The following RALB variants were observed in gnomAD, a reference collection of about 807,000 sequenced individuals.
The protein encoded by RALB is ras-related protein Ral-B.
RALB carries 16 observed loss-of-function variants against 21.3 expected under a neutral mutation model. That is an observed-to-expected ratio of 0.75 (90% CI 0.51 to 1.14). The LOEUF (loss-of-function observed/expected upper bound fraction) is 1.14, where lower values mean the gene tolerates loss of function less well. RALB is among the 50% of genes most tolerant of loss of function. RALB has a pLI of 0.00. For missense variants in RALB, 161 were observed against 256.2 expected, an observed-to-expected ratio of 0.63 and a Z score of 2.54; for synonymous variants, 93 against 96.1, an observed-to-expected ratio of 0.97 and a Z score of 0.19.
At chr2:120,284,765 T>A (rs1174176016) in intron 2 of RALB, among the ~76,000 whole-genome samples, 1 of 151,902 alleles carries the variant, frequency 6.6e-6, no homozygotes, top group Admixed American at 6.6e-5. Context: ...CCAACCTACG[T>A]ATTAGTAGTC....
At chr2:120,269,508 T>C (rs112647190) in intron 1 of RALB, among the ~76,000 whole-genome samples, 4,632 of 152,274 alleles carry the variant, frequency 0.03, 116 homozygotes, top group East Asian at 0.074. Flanking sequence ...AGAGTGCTGA[T>C]TGGTCCATTT....
At chr2:120,242,506 G>A (rs1424487913) in intron 1 of RALB, among the ~76,000 whole-genome samples, 2 of 152,198 alleles carry the variant, frequency 1.3e-5, no homozygotes, top group African/African-American at 2.4e-5. Context: ...AGGCTGAGGC[G>A]GGTTGATCAC....
intron 1 of RALB, chr2:120,240,187 C>T (rs1688869237): frequency 7.8e-7 from 1 of 1,282,884 alleles, no homozygotes; most frequent in South Asian, 1.2e-5. Context: ...TGTGACTTGC[C>T]TGTTGTTATC....
In RALB at chr2:120,289,714, A is replaced by G; in HGVS notation, c.458A>G (p.Gln153Arg). The G allele has an allele frequency of 6.2e-7, 1 of 1,613,698 alleles. No individual in the cohort carries two copies. The highest frequency in any genetic ancestry group is 8.5e-7 in the Non-Finnish European group (1 of 1,179,834). The change falls in exon 4 of 5, where the codon CAG becomes CGG. Residue 153 changes from glutamine to arginine, a missense_variant. Coordinates refer to ENST00000272519, the MANE Select transcript of RALB (RefSeq NM_002881.3). ...AGTAAAGCCGAAGAGTGGGGCGTGC[A>G]GTACGTGGAGACGTCAGCGAAGACC... is the stretch of plus-strand genomic sequence containing the variant. ...ARSKAEEWGVQYVETSAKTRA... is the reference protein window; with the variant it reads ...ARSKAEEWGVRYVETSAKTRA...
chr2:120,284,170 G>A (rs1690064584), intron 2 of RALB, among the ~76,000 whole-genome samples: 1 of 152,076 alleles, frequency 6.6e-6, no homozygotes, highest in Non-Finnish European at 1.5e-5. Context: ...ATCTCTATTT[G>A]GAGATAATTT....
chr2:120,271,542 G>A, intron 1 of RALB, among the ~76,000 whole-genome samples: 1 of 152,102 alleles, frequency 6.6e-6, no homozygotes, highest in East Asian at 1.9e-4. Flanking sequence ...TCTTAAGATG[G>A]CACTTTAGGC....
rs569624452 is a variant in RALB, at chr2:120,253,783, C to G, written c.-48+803C>G. 3.5e-3 allele frequency: 3,141 copies of G among 906,768 alleles called. 14 individuals are homozygous for G. The highest frequency in any genetic ancestry group is 3.9e-3 in the Non-Finnish European group (2,985 of 758,206). 56.2% of individuals were successfully genotyped at this position (906,768 alleles called of 1,614,324 possible). A position where few individuals can be genotyped will look rare whatever the true frequency, so the allele number is the denominator to read the frequency against. On this transcript the variant is annotated intron_variant, in intron 1 of 4. Transcript: ENST00000272519. Reference sequence around the variant, plus strand: ...TGCCTGGCGGACTGAATGAATTGGCCGTGGAAGAGACTTGGCTGATTGCTC... The same window carrying G: ...TGCCTGGCGGACTGAATGAATTGGCGGTGGAAGAGACTTGGCTGATTGCTC...
intron 4 of RALB, among the ~76,000 whole-genome samples, chr2:120,290,049 G>T (rs1442961666): frequency 6.6e-6 from 1 of 152,130 alleles, no homozygotes; most frequent in Non-Finnish European, 1.5e-5. Context: ...GTGACACCAG[G>T]CTGGAGTGGT....
intron 1 of RALB, among the ~76,000 whole-genome samples, chr2:120,269,391 C>G (rs1330340301): frequency 6.6e-6 from 1 of 152,186 alleles, no homozygotes; most frequent in Non-Finnish European, 1.5e-5. Context: ...AACAAAGCTT[C>G]CACAGCGTGG....
At chr2:120,259,093 C>T (rs1689275960) in intron 1 of RALB, among the ~76,000 whole-genome samples, 1 of 152,150 alleles carries the variant, frequency 6.6e-6, no homozygotes, top group Non-Finnish European at 1.5e-5. Context: ...AGTGAAGCTG[C>T]AGATCTTCGC....
intron 1 of RALB, among the ~76,000 whole-genome samples, chr2:120,272,935 CTG>C (rs1689701207): frequency 6.6e-6 from 1 of 152,208 alleles, no homozygotes; most frequent in Non-Finnish European, 1.5e-5. Context: ...AGGGCAAAGA[CTG>C]TGTTCTGGAA....
At chr2:120,260,279 G>A (rs55979636) in intron 1 of RALB, among the ~76,000 whole-genome samples, 4,135 of 152,360 alleles carry the variant, frequency 0.027, 203 homozygotes, top group African/African-American at 0.095. Flanking sequence ...TAGAGCAAGC[G>A]AGGGCTCTGA....
chr2:120,277,979 GAGC>G (rs1381290020), intron 1 of RALB, among the ~76,000 whole-genome samples: 1 of 150,506 alleles, frequency 6.6e-6, no homozygotes. Context: ...GTGTGAATAA[GAGC>G]ATGTGTGAAT....
Position 120,255,930 on chromosome 2 carries a change from C to CTGTGTGATTTTACTGAG in RALB, c.-48+2951_-48+2952insGTGTGATTTTACTGAGT, listed in dbSNP as rs1553521208. 3.3e-5 allele frequency among the ~76,000 whole-genome samples: 5 copies of CTGTGTGATTTTACTGAG among 152,022 alleles called. No homozygotes were observed. The South Asian group carries it at 1.0e-3, about 32-fold the overall frequency. On this transcript the variant is annotated intron_variant, in intron 1 of 4. Transcript: ENST00000272519. ...TTTTTATATATAGCATTGTTCCAAG[C>CTGTGTGATTTTACTGAG]TATACGGCATGAGATGAAGGAAATA...
chr2:120,290,644 T>TTC (rs397772827), intron 4 of RALB, among the ~76,000 whole-genome samples: 1 of 151,886 alleles, frequency 6.6e-6, no homozygotes, highest in Admixed American at 6.6e-5. Flanking sequence ...TTTTTTTTTT[T>TTC]ATCTCTTATC....
intron 3 of RALB, among the ~76,000 whole-genome samples, chr2:120,289,238 CTTTTTGT>C (rs1690247029): frequency 9.9e-6 from 1 of 101,240 alleles, no homozygotes; most frequent in African/African-American, 3.2e-5. Context: ...CATTTTTCTT[CTTTTTGT>C]TTTTTTTTTT....
At chr2:120,282,711 C>G (rs1690022934) in intron 2 of RALB, among the ~76,000 whole-genome samples, 1 of 151,994 alleles carries the variant, frequency 6.6e-6, no homozygotes, top group Non-Finnish European at 1.5e-5. Context: ...TACTTGAGAA[C>G]TGGAAAGTGG....
chr2:120,248,361 A>C (rs1007766176), upstream of RALB, among the ~76,000 whole-genome samples: 3 of 151,832 alleles, frequency 2.0e-5, no homozygotes, highest in Non-Finnish European at 4.4e-5. Context: ...ACCCTCCCCC[A>C]TTTCCTTCCT....
chr2:120,288,580 G>A (rs1690230036), intron 3 of RALB, among the ~76,000 whole-genome samples: 1 of 151,918 alleles, frequency 6.6e-6, no homozygotes, highest in African/African-American at 2.4e-5. Flanking sequence ...TTTTTAGAAT[G>A]TATTGGCATA....
Sources: allele counts gnomAD v4.1 joint callset (sites outside exome capture counted in the v4.1 genomes callset), GRCh38; gene constraint gnomAD v4.1.1; transcripts MANE v1.5; gene names NCBI Gene and HGNC (gene_info 2026-07-23, HGNC 2026-07-21).